Variants in MAGI2 observed in about 807,000 individuals in gnomAD.
MAGI2 encodes membrane-associated guanylate kinase, WW and PDZ domain-containing protein 2.
In MAGI2, 35 loss-of-function variants were observed where a neutral mutation model predicts 133.3. That is an observed-to-expected ratio of 0.26 (90% confidence interval 0.20 to 0.35). The LOEUF is 0.35. Ranked by LOEUF, MAGI2 falls within the 10% of genes least tolerant of loss-of-function variation. MAGI2 has a pLI of 1.00. For synonymous variants in MAGI2, 729 were observed against 710.6 expected, an observed-to-expected ratio of 1.03 and a Z score of -0.41; for missense variants, 1,636 against 1,863.4, an observed-to-expected ratio of 0.88 and a Z score of 2.25.
intron 1 of MAGI2, among the ~76,000 whole-genome samples, chr7:79,406,699 C>T (rs1437053068): frequency 6.6e-6 from 1 of 152,032 alleles, no homozygotes; most frequent in Non-Finnish European, 1.5e-5. Context: ...CTCCTATATT[C>T]GTCTTTATCT....
chr7:79,436,433 A>C (rs947269794), intron 1 of MAGI2, among the ~76,000 whole-genome samples: 2 of 152,154 alleles, frequency 1.3e-5, no homozygotes, highest in South Asian at 4.1e-4. Context: ...GAATAGGAGA[A>C]AATATTTGCA....
At chr7:79,370,786 C>T in intron 1 of MAGI2, among the ~76,000 whole-genome samples, 1 of 151,956 alleles carries the variant, frequency 6.6e-6, no homozygotes, top group Middle Eastern at 3.2e-3. Flanking sequence ...GCTATTGCCT[C>T]AAATTAGAAA....
intron 6 of MAGI2, among the ~76,000 whole-genome samples, chr7:78,431,843 T>C (rs1255400797): frequency 6.6e-6 from 1 of 151,816 alleles, no homozygotes; most frequent in Non-Finnish European, 1.5e-5. Context: ...GAGGAGAAAA[T>C]AGACATAAGT....
intron 1 of MAGI2, among the ~76,000 whole-genome samples, chr7:79,230,803 C>T (rs1466932819): frequency 6.6e-6 from 1 of 151,390 alleles, no homozygotes; most frequent in South Asian, 2.1e-4. Flanking sequence ...TTAATTAGAT[C>T]CCATTTGTCA....
In MAGI2 at chr7:78,559,171, A is replaced by G. The variant is rs2627532; in HGVS notation, c.539-37526T>C. ...AAAAAAAAAAAAAAAAAAAAAAGCC[A>G]AAAAGAAAAGAAAAGAAAAGAAAAG... On this transcript the variant is annotated intron_variant, in intron 3 of 21. Coordinates refer to ENST00000354212, the MANE Select transcript of MAGI2 (RefSeq NM_012301.4). Among the ~76,000 whole-genome samples, 15 of 107,556 alleles carry G rather than the reference A, an allele frequency of 1.4e-4. No individual in the cohort carries two copies. The South Asian group carries it at 5.0e-3, about 36-fold the overall frequency. The allele number at this position is 107,556 out of a possible 152,430, so 70.6% of individuals were successfully genotyped here.
At chr7:79,251,036 T>C (rs1833213777) in intron 1 of MAGI2, among the ~76,000 whole-genome samples, 1 of 152,186 alleles carries the variant, frequency 6.6e-6, no homozygotes, top group Admixed American at 6.5e-5. Context: ...GATATCCATA[T>C]GCAGAAGAAT....
At chr7:79,439,364 C>T (rs959540653) in intron 1 of MAGI2, among the ~76,000 whole-genome samples, 2 of 152,092 alleles carry the variant, frequency 1.3e-5, no homozygotes, top group East Asian at 3.9e-4. Flanking sequence ...GAGACTGAGG[C>T]TCAGAAAATG....
chr7:79,243,270 G>A lies in MAGI2; in HGVS notation c.301+209750C>T, dbSNP rs1027968011. ...TGATCTACACATAAGAACCAAGAGAGCAATTTTACTTTAATGGTACTTTGG... is the reference window on the plus strand; with the variant it reads ...TGATCTACACATAAGAACCAAGAGAACAATTTTACTTTAATGGTACTTTGG... On this transcript the variant is annotated intron_variant, in intron 1 of 21. Coordinates refer to ENST00000354212, the MANE Select transcript of MAGI2 (RefSeq NM_012301.4). Among the ~76,000 whole-genome samples the A allele has an allele frequency of 9.2e-5, 14 of 152,262 alleles. No homozygotes were observed. The South Asian group carries it at 2.3e-3, about 25-fold the overall frequency.
chr7:79,206,869 A>G (rs1829101093), intron 1 of MAGI2, among the ~76,000 whole-genome samples: 1 of 151,952 alleles, frequency 6.6e-6, no homozygotes, highest in African/African-American at 2.4e-5. Flanking sequence ...TGGCACCACA[A>G]TCAAAGGGAA....
At chr7:78,505,930 G>T (rs905367782) in intron 4 of MAGI2, among the ~76,000 whole-genome samples, 2 of 150,310 alleles carry the variant, frequency 1.3e-5, no homozygotes, top group African/African-American at 5.0e-5. Context: ...GGCTCTGAAG[G>T]TAAGGGAGAA....
intron 3 of MAGI2, among the ~76,000 whole-genome samples, chr7:78,538,670 T>C (rs1041498783): frequency 2.0e-5 from 3 of 152,228 alleles, no homozygotes; most frequent in Admixed American, 6.5e-5. Flanking sequence ...ATAGCAATGC[T>C]ACAGATTTGT....
chr7:79,243,062 A>C (rs1832545308), intron 1 of MAGI2, among the ~76,000 whole-genome samples: 1 of 152,124 alleles, frequency 6.6e-6, no homozygotes, highest in Admixed American at 6.6e-5. Context: ...CTAAAAATAC[A>C]AAAATTAGCT....
chr7:78,448,959 T>C (rs1563012195), intron 6 of MAGI2, among the ~76,000 whole-genome samples: 1 of 151,956 alleles, frequency 6.6e-6, no homozygotes, highest in Non-Finnish European at 1.5e-5. Context: ...TTTAACAGTG[T>C]GGGCGATTCA....
chr7:78,228,232 G>A (rs1275948445), intron 10 of MAGI2, among the ~76,000 whole-genome samples: 1 of 152,182 alleles, frequency 6.6e-6, no homozygotes, highest in Non-Finnish European at 1.5e-5. Context: ...GACTGAATTT[G>A]GCAAGAGCCA....
chr7:78,456,202 T>C (rs1271132198), intron 6 of MAGI2, among the ~76,000 whole-genome samples: 1 of 152,142 alleles, frequency 6.6e-6, no homozygotes, highest in Non-Finnish European at 1.5e-5. Flanking sequence ...TTTCTTCCTA[T>C]ACATGTTATA....
intron 1 of MAGI2, among the ~76,000 whole-genome samples, chr7:79,341,092 G>A (rs1416158537): frequency 6.6e-6 from 1 of 152,132 alleles, no homozygotes; most frequent in Non-Finnish European, 1.5e-5. Context: ...TAAATCTGGA[G>A]TTACATAGAA....
chr7:78,886,567 T>C (rs1278887783), intron 2 of MAGI2, among the ~76,000 whole-genome samples: 2 of 152,218 alleles, frequency 1.3e-5, no homozygotes, highest in East Asian at 3.8e-4. Context: ...CTTCTTTCTT[T>C]ACCTATCTAA....
At chr7:78,059,888 G>A (rs1023670551) in intron 21 of MAGI2, among the ~76,000 whole-genome samples, 1 of 151,762 alleles carries the variant, frequency 6.6e-6, no homozygotes, top group Admixed American at 6.6e-5. Context: ...GAGAATTTTC[G>A]TGGCAGCCCC....
chr7:78,970,875 C>T (rs1803730171), intron 2 of MAGI2, among the ~76,000 whole-genome samples: 1 of 152,070 alleles, frequency 6.6e-6, no homozygotes, highest in South Asian at 2.1e-4. Flanking sequence ...AGCACAGCTT[C>T]CTAAATCCCT....
Sources: gnomAD v4.1 joint callset for allele counts (sites outside exome capture counted in the v4.1 genomes callset) on GRCh38, gnomAD v4.1.1 for gene constraint, MANE v1.5 for transcripts, NCBI Gene and HGNC (gene_info 2026-07-23, HGNC 2026-07-21) for gene names.